The following SGSH variants were observed in gnomAD, a reference collection of about 807,000 sequenced individuals.
SGSH encodes the protein N-sulfoglucosamine sulfohydrolase, also known as heparan sulfate sulfatase.
SGSH carries 48 observed loss-of-function variants against 51.0 expected under a neutral mutation model. That is an observed-to-expected ratio of 0.94 (90% confidence interval 0.75 to 1.20). SGSH has a LOEUF of 1.20. Ranked by LOEUF, SGSH falls within the 50% of genes most tolerant of loss-of-function variation. The pLI, the probability that SGSH is intolerant of heterozygous loss-of-function variation, is 0.00. For missense variants in SGSH, 662 were observed against 717.8 expected (o/e 0.92, Z 0.89); for synonymous variants, 321 against 313.4 (o/e 1.02, Z -0.26).
intron 1 of SGSH, chr17:80,219,984 A>G (rs2042080334): frequency 2.4e-6 from 1 of 409,742 alleles, no homozygotes; most frequent in Non-Finnish European, 4.3e-6. Flanking sequence ...GACAGGCGGC[A>G]CGAGGTAAGT....
rs2144736499 is a variant in SGSH, at chr17:80,213,892, C to T, written c.664-7G>A. 1 of 1,603,682 alleles carries T rather than the reference C, an allele frequency of 6.2e-7. No homozygotes were observed. Among genetic ancestry groups the T allele is most frequent in the Non-Finnish European group, 8.5e-7 (1 of 1,178,326 alleles). ...TGGGGACGAAGTAAGGCACCTGGGG[C>T]AGGCGGTGGGGAGCCAGGCTTAGAA... On this transcript the variant is annotated splice_polypyrimidine_tract_variant and splice_region_variant and intron_variant, in intron 5 of 7. Coordinates refer to ENST00000326317, the MANE Select transcript of SGSH (RefSeq NM_000199.5). The surrounding 1 kb of genome is among the most constrained non-coding windows in gnomAD (Gnocchi z 4.6).
In SGSH at chr17:80,213,479, G is replaced by A; in HGVS notation, c.745+325C>T. ...ACCACAAAAAACTCACAGACCTCAA[G>A]ATCTCCATCTGCATATGCTAAGGAA... On this transcript the variant is annotated intron_variant, in intron 6 of 7. Coordinates refer to ENST00000326317, the MANE Select transcript of SGSH (RefSeq NM_000199.5). The surrounding 1 kb of genome is among the most constrained non-coding windows in gnomAD (Gnocchi z 4.6). 2.3e-6 allele frequency: 1 copy of A among 425,910 alleles called. No individual in the cohort carries two copies. The highest frequency in any genetic ancestry group is 4.0e-5 in the Admixed American group (1 of 25,140). 26.4% of individuals were successfully genotyped at this position (425,910 alleles called of 1,614,324 possible).
At chr17:80,208,221 CCT>C (rs2041457413), downstream of SGSH, 1 of 1,564,988 alleles carries the variant, frequency 6.4e-7, no homozygotes, top group Admixed American at 1.9e-5. Context: ...GACCGGGCGC[CCT>C]GTCTATACAG....
intron 7 of SGSH, chr17:80,211,777 G>A: frequency 2.0e-6 from 1 of 489,292 alleles, no homozygotes; most frequent in Admixed American, 3.3e-5. Context: ...AAGCATCCCA[G>A]GTGATTCTGA....
rs1472514905 is a variant in SGSH, at chr17:80,212,715, T to C, written c.746-441A>G. 3.6e-6 allele frequency: 1 copy of C among 281,622 alleles called. No homozygotes were observed. Among genetic ancestry groups the C allele is most frequent in the East Asian group, 9.2e-5 (1 of 10,906 alleles). 17.4% of individuals were successfully genotyped at this position (281,622 alleles called of 1,614,324 possible). A position where few individuals can be genotyped will look rare whatever the true frequency, so the allele number is the denominator to read the frequency against. ...TCCTTCCCAGCTCACTAAGAATTAA[T>C]GGCACCAATAGGGAAATGGCAAAGG... On this transcript the variant is annotated intron_variant, in intron 6 of 7. Coordinates refer to ENST00000326317, the MANE Select transcript of SGSH (RefSeq NM_000199.5). This position sits in a 1 kb window ranked among gnomAD's most constrained non-coding sequence, Gnocchi z 5.9.
chr17:80,215,407 C>T (rs1223145612), intron 2 of SGSH, among the ~76,000 whole-genome samples: 4 of 152,228 alleles, frequency 2.6e-5, no homozygotes, highest in African/African-American at 7.2e-5. Flanking sequence ...GTTCTTTTTG[C>T]GTATCCGTAC....
At chr17:80,205,522 C>T, downstream of SGSH, 1 of 1,582,886 alleles carries the variant, frequency 6.3e-7, no homozygotes, top group Non-Finnish European at 8.6e-7. Context: ...CGTCCAATGT[C>T]ACCTGTAGAG....
At chr17:80,208,335 GC>G, downstream of SGSH, 2 of 1,597,006 alleles carry the variant, frequency 1.3e-6, no homozygotes, top group Non-Finnish European at 1.7e-6. Context: ...ACGGAGCAGA[GC>G]CCCCGATGAT....
intron 7 of SGSH, chr17:80,211,225 T>C: frequency 7.2e-7 from 1 of 1,379,508 alleles, no homozygotes; most frequent in Non-Finnish European, 9.5e-7. Context: ...TTCGGTGACA[T>C]TTAGGATCCT....
At chr17:80,205,485 C>A (rs1284492194), downstream of SGSH, 1 of 1,564,838 alleles carries the variant, frequency 6.4e-7, no homozygotes. Flanking sequence ...TCCCCCAGAC[C>A]CCCACACAGC....
At chr17:80,201,356 G>A in the SGSH span, 24 of 198,114 alleles carry the variant, frequency 1.2e-4, no homozygotes, top group East Asian at 1.9e-3. The surrounding 1 kb of genome is among the most constrained non-coding windows in gnomAD (Gnocchi z 5.0). Flanking sequence ...TGTAGGGCCC[G>A]GTATAGCCCG....
chr17:80,208,208 C>T, downstream of SGSH: 6 of 1,556,856 alleles, frequency 3.9e-6, no homozygotes, highest in Non-Finnish European at 4.3e-6. Flanking sequence ...GGAGGGAGAC[C>T]TGGACCGGGC....
rs2041797202 is a variant in SGSH, at chr17:80,214,243, C to T, written c.592G>A (p.Gly198Ser). The T allele has an allele frequency of 6.2e-7, 1 of 1,613,120 alleles. No homozygotes were observed. The highest frequency in any genetic ancestry group is 1.7e-5 in the Admixed American group (1 of 60,004). Residue 198 changes from glycine to serine, a missense_variant, in exon 5 of 8, where the codon GGC becomes AGC. Gly to Ser is a moderately conservative substitution (Grantham distance 56, BLOSUM62 0). Transcript: ENST00000326317. ...PQYGTFCEKF[G>S]NGESGMGRIP... is the part of the protein sequence containing the mutation. ...CGACCCATGCCGCTCTCTCCGTTGC[C>T]AAACTTCTCACAGAAGGTTCCGTAC...
downstream of SGSH, chr17:80,205,535 C>T (rs1224127096): frequency 1.3e-6 from 2 of 1,586,160 alleles, no homozygotes; most frequent in African/African-American, 1.3e-5. Context: ...CTGTAGAGTA[C>T]TTGAGCCAGG....
chr17:80,204,282 A>G (rs772316441), downstream of SGSH: 1 of 1,600,748 alleles, frequency 6.2e-7, no homozygotes, highest in Non-Finnish European at 8.5e-7. Context: ...GACAAAGCCA[A>G]GGCCAGCCCT....
the SGSH span, chr17:80,201,198 T>A: frequency 6.5e-6 from 1 of 154,722 alleles, no homozygotes; most frequent in East Asian, 1.9e-4. This position sits in a 1 kb window ranked among gnomAD's most constrained non-coding sequence, Gnocchi z 5.0. Context: ...ATTGTAAAAA[T>A]ATCTACTCTC....
At position 80,214,375 on chromosome 17, in the gene SGSH, G is replaced by A. The variant is rs370439063; in HGVS notation, c.507-47C>T. ...GCCAAGGCTGCGGGGCCACTGCCAC[G>A]TGGCACAGGAAGCCCCTCGGCTCTG... is the stretch of plus-strand genomic sequence containing the variant. On this transcript the variant is annotated intron_variant, in intron 4 of 7. Transcript: ENST00000326317. 206 of 1,595,778 alleles carry A rather than the reference G, an allele frequency of 1.3e-4. No individual in the cohort carries two copies. In the African/African-American group the frequency reaches 2.5e-3, roughly 19 times the overall value.
chr17:80,207,122 G>T (rs1296266185), downstream of SGSH: 2 of 1,502,968 alleles, frequency 1.3e-6, no homozygotes, highest in African/African-American at 1.4e-5. Context: ...GGGCTTCGAA[G>T]CGGCTCCTGG....
intron 1 of SGSH, among the ~76,000 whole-genome samples, chr17:80,219,482 T>C (rs2042045951): frequency 6.6e-6 from 1 of 152,204 alleles, no homozygotes; most frequent in Non-Finnish European, 1.5e-5. Flanking sequence ...TCCATGCAGA[T>C]TCTCTGCTGT....
Sources: allele counts gnomAD v4.1 joint callset (sites outside exome capture counted in the v4.1 genomes callset), GRCh38; gene constraint gnomAD v4.1.1; non-coding constraint Gnocchi (gnomAD v3.1); transcripts MANE v1.5; gene names NCBI Gene and HGNC (gene_info 2026-07-23, HGNC 2026-07-21).